The following KCNK2 variants were observed in gnomAD, a reference collection of about 807,000 sequenced individuals.
KCNK2 encodes potassium two pore domain channel subfamily K member 2.
Under a neutral mutation model 40.5 loss-of-function variants are expected in KCNK2, and 21 were observed. That is an observed-to-expected ratio of 0.52 (90% confidence interval 0.37 to 0.75). KCNK2 has a LOEUF of 0.75. Ranked by LOEUF, KCNK2 falls within the 30% of genes least tolerant of loss-of-function variation. KCNK2 has a pLI of 0.00. For synonymous variants in KCNK2, 191 were observed against 202.2 expected, an observed-to-expected ratio of 0.94 and a Z score of 0.47; for missense variants, 399 against 531.6, an observed-to-expected ratio of 0.75 and a Z score of 2.45.
intron 6 of KCNK2, among the ~76,000 whole-genome samples, chr1:215,230,532 T>TATATATACACATAACA (rs1558150321): frequency 2.7e-5 from 1 of 37,114 alleles, no homozygotes; most frequent in African/African-American, 7.5e-5. Context: ...TATATATATA[T>TATATATACACATAACA]GTATATATAT....
intron 2 of KCNK2, among the ~76,000 whole-genome samples, chr1:215,114,086 G>A (rs901388546): frequency 5.9e-5 from 9 of 152,062 alleles, no homozygotes; most frequent in African/African-American, 2.2e-4. Flanking sequence ...TTTTCTGCAT[G>A]TTTCACCAAC....
intron 1 of KCNK2, among the ~76,000 whole-genome samples, chr1:215,061,598 G>T (rs933543389): frequency 4.6e-5 from 7 of 152,212 alleles, no homozygotes; most frequent in East Asian, 1.9e-4. Context: ...GCTTTAAAAA[G>T]AAACTTCTGA....
chr1:215,227,562 C>T (rs908686304), intron 6 of KCNK2, among the ~76,000 whole-genome samples: 1 of 152,094 alleles, frequency 6.6e-6, no homozygotes, highest in Non-Finnish European at 1.5e-5. Flanking sequence ...AGAGTTGGAA[C>T]TTTATTGTAA....
chr1:215,087,293 G>C (rs1259685368), intron 2 of KCNK2, among the ~76,000 whole-genome samples: 1 of 152,148 alleles, frequency 6.6e-6, no homozygotes, highest in Non-Finnish European at 1.5e-5. Context: ...ATTAATTATT[G>C]CTTCTCTAAC....
chr1:215,219,536 C>A (rs1159540741), intron 6 of KCNK2, among the ~76,000 whole-genome samples: 1 of 152,200 alleles, frequency 6.6e-6, no homozygotes, highest in African/African-American at 2.4e-5. Flanking sequence ...AGGGAAAGCT[C>A]TTCTCATTGC....
At chr1:215,101,461 C>G (rs1660214004) in intron 2 of KCNK2, among the ~76,000 whole-genome samples, 1 of 151,876 alleles carries the variant, frequency 6.6e-6, no homozygotes, top group Non-Finnish European at 1.5e-5. Flanking sequence ...AAGGCTAGAA[C>G]ATACTTGATG....
At chr1:215,021,453 C>T (rs61820010) in intron 1 of KCNK2, among the ~76,000 whole-genome samples, 59,853 of 146,566 alleles carry the variant, frequency 0.41, 15,078 homozygotes, top group Non-Finnish European at 0.55. Context: ...GGGCAGGCAC[C>T]TTTCTATTTG....
intron 1 of KCNK2, among the ~76,000 whole-genome samples, chr1:215,084,382 G>A (rs535109074): frequency 2.0e-5 from 3 of 152,326 alleles, no homozygotes; most frequent in African/African-American, 7.2e-5. Flanking sequence ...ACAAATAGGA[G>A]AGCACAGAGA....
intron 2 of KCNK2, among the ~76,000 whole-genome samples, chr1:215,100,209 C>T (rs1397864724): frequency 6.6e-6 from 1 of 151,868 alleles, no homozygotes. Context: ...GTCACTACAC[C>T]ATGGGTCTAT....
At chr1:215,097,060 A>G (rs4375232) in intron 2 of KCNK2, among the ~76,000 whole-genome samples, 99,968 of 151,674 alleles carry the variant, frequency 0.66, 35,161 homozygotes, top group Non-Finnish European at 0.79. Context: ...AATAATTAAT[A>G]GATCAACCGA....
At chr1:215,063,997 G>A (rs1043928772) in intron 1 of KCNK2, among the ~76,000 whole-genome samples, 17 of 152,162 alleles carry the variant, frequency 1.1e-4, no homozygotes, top group African/African-American at 3.9e-4. Context: ...GGATGAAATC[G>A]CTTGAGTAGA....
At chr1:215,157,398 A>C (rs1662980730) in intron 3 of KCNK2, among the ~76,000 whole-genome samples, 1 of 152,114 alleles carries the variant, frequency 6.6e-6, no homozygotes, top group African/African-American at 2.4e-5. Flanking sequence ...TACCAGATCC[A>C]AGGTTCAGTC....
chr1:215,222,540 A>T (rs1666223344), intron 6 of KCNK2, among the ~76,000 whole-genome samples: 2 of 152,146 alleles, frequency 1.3e-5, no homozygotes, highest in African/African-American at 4.8e-5. Context: ...TAAAAAGATT[A>T]AGTACTCTTG....
chr1:215,215,477 T>C (rs1409239350), intron 6 of KCNK2, among the ~76,000 whole-genome samples: 2 of 152,168 alleles, frequency 1.3e-5, no homozygotes, highest in Admixed American at 6.6e-5. Flanking sequence ...AAGTGCTAAA[T>C]ATGAAAGTTT....
intron 6 of KCNK2, among the ~76,000 whole-genome samples, chr1:215,210,160 A>AGT (rs199682352): frequency 6.8e-6 from 1 of 146,162 alleles, no homozygotes; most frequent in Non-Finnish European, 1.5e-5. Flanking sequence ...TATAGTATAT[A>AGT]GTGTGTGTAT....
chr1:215,013,430 T>A (rs1558056496), intron 1 of KCNK2, among the ~76,000 whole-genome samples: 1 of 152,194 alleles, frequency 6.6e-6, no homozygotes, highest in Non-Finnish European at 1.5e-5. Context: ...CATTTATCTT[T>A]CCACACAAAT....
At chr1:215,016,916 C>G (rs1656608664) in intron 1 of KCNK2, among the ~76,000 whole-genome samples, 1 of 151,888 alleles carries the variant, frequency 6.6e-6, no homozygotes, top group Non-Finnish European at 1.5e-5. Context: ...AACAAATAAC[C>G]CAATTAACAA....
chr1:215,226,413 C>T (rs1444412594), intron 6 of KCNK2, among the ~76,000 whole-genome samples: 1 of 152,130 alleles, frequency 6.6e-6, no homozygotes, highest in East Asian at 1.9e-4. Context: ...GTAACCTCCG[C>T]CTCCCGGGTT....
chr1:215,158,210 T>C (rs1434769596), intron 3 of KCNK2, among the ~76,000 whole-genome samples: 1 of 152,184 alleles, frequency 6.6e-6, no homozygotes, highest in East Asian at 1.9e-4. Flanking sequence ...TTGTCTGTCA[T>C]AGAGACAGAC....
Sources: allele counts gnomAD v4.1 joint callset (sites outside exome capture counted in the v4.1 genomes callset), GRCh38; gene constraint gnomAD v4.1.1; transcripts MANE v1.5; gene names NCBI Gene and HGNC (gene_info 2026-07-23, HGNC 2026-07-21).